Variants in SH3GL1 observed in about 807,000 individuals in gnomAD.
SH3GL1 encodes endophilin-A2.
SH3GL1 carries 21 observed loss-of-function variants against 48.8 expected under a neutral mutation model. The ratio of observed to expected loss-of-function variants is 0.43; its 90% CI spans 0.30 to 0.62. The LOEUF (loss-of-function observed/expected upper bound fraction) is 0.62, where lower values mean the gene tolerates loss of function less well. Among genes scored for constraint, SH3GL1 ranks in the 20% least tolerant of loss-of-function variants. SH3GL1 has a pLI of 0.11. For missense variants in SH3GL1, 454 were observed against 503.0 expected (o/e 0.90, Z 0.93); for synonymous variants, 282 against 217.5 (o/e 1.30, Z -2.61).
intron 1 of SH3GL1, among the ~76,000 whole-genome samples, chr19:4,394,068 A>G (rs1466849477): frequency 6.9e-6 from 1 of 145,390 alleles, no homozygotes; most frequent in African/African-American, 2.6e-5. Flanking sequence ...TGTCCCTCCT[A>G]GCTCAGTCTG....
rs555027912 is a variant in SH3GL1, at chr19:4,376,343, C to T, written c.46-9349G>A. Among the ~76,000 whole-genome samples, 15 of 152,304 alleles carry T rather than the reference C, an allele frequency of 9.8e-5. No homozygotes were observed. Among genetic ancestry groups the T allele is most frequent in the African/African-American group, 2.4e-4 (10 of 41,558 alleles). On this transcript the variant is annotated intron_variant, in intron 1 of 9. Coordinates refer to ENST00000269886, the MANE Select transcript of SH3GL1 (RefSeq NM_003025.4). This position sits in a 1 kb window ranked among gnomAD's most constrained non-coding sequence, Gnocchi z 4.3. ...AGACAGGTGAAGGCACATTCCTCAG[C>T]GCCCGCTCACAGCTCTGCCCACCGT...
At position 4,361,576 on chromosome 19, in the gene SH3GL1, G is replaced by A. The variant is rs745790126; in HGVS notation, c.*24C>T. On this transcript the variant is annotated 3_prime_UTR_variant, in exon 10 of 10. Transcript: ENST00000269886. ...GGGGTGCCGGCCAGTGTGGACGGAG[G>A]GGCGGGGCGGGGACACGGGTGAGTC... 1.3e-6 allele frequency: 2 copies of A among 1,546,454 alleles called. No homozygotes were observed. The highest frequency in any genetic ancestry group is 1.8e-6 in the Non-Finnish European group (2 of 1,138,110).
rs938402841 is a variant in SH3GL1 at position 4,365,422 on chromosome 19, C to T, written c.331+60G>A. The T allele has an allele frequency of 1.6e-5, 26 of 1,606,778 alleles. No homozygotes were observed. The South Asian group carries it at 1.6e-4, about 10-fold the overall frequency. The stretch of plus-strand genomic sequence containing the variant: ...ACATGCAGGGCCTGGACCTGCCCTG[C>T]CTGTGTTGAGGTGTGGCCTCCAGGG... On this transcript the variant is annotated intron_variant, in intron 4 of 9. Transcript: ENST00000269886.
intron 1 of SH3GL1, among the ~76,000 whole-genome samples, chr19:4,386,896 G>A (rs540736995): frequency 3.9e-5 from 6 of 152,210 alleles, no homozygotes; most frequent in Non-Finnish European, 7.4e-5. Flanking sequence ...CGTGAATCAC[G>A]TGGTCAGAAC....
intron 1 of SH3GL1, among the ~76,000 whole-genome samples, chr19:4,382,292 C>G (rs1363403382): frequency 3.0e-5 from 4 of 132,784 alleles, no homozygotes; most frequent in Non-Finnish European, 6.3e-5. Flanking sequence ...GAGTCTCGCT[C>G]TGTCACCCAG....
chr19:4,387,446 C>T (rs1463290933), intron 1 of SH3GL1, among the ~76,000 whole-genome samples: 2 of 152,140 alleles, frequency 1.3e-5, no homozygotes, highest in Admixed American at 6.5e-5. Flanking sequence ...TACAGGTGTG[C>T]ACCGCTATGA....
In SH3GL1 at chr19:4,361,714, G is replaced by A. The variant is rs371201004; in HGVS notation, c.993C>T (p.Asp331=). The A allele has an allele frequency of 5.1e-5, 82 of 1,613,076 alleles. No homozygotes were observed. The highest frequency in any genetic ancestry group is 8.3e-5 in the Admixed American group (5 of 59,998). The change falls in exon 10 of 10, where the codon GAC becomes GAT. Residue 331 remains aspartate, a synonymous_variant. Transcript: ENST00000269886. ...NDGELGFHEG[D]VITLTNQIDE... ...CGATCTGGTTGGTCAGCGTGATGAC[G>A]TCGCCCTCATGGAAGCCCAGCTCCC...
At chr19:4,396,240 T>C (rs761712106) in intron 1 of SH3GL1, among the ~76,000 whole-genome samples, 1 of 151,550 alleles carries the variant, frequency 6.6e-6, no homozygotes, top group Non-Finnish European at 1.5e-5. Context: ...CTACTAAAAA[T>C]ACAAAAAAAT....
intron 1 of SH3GL1, among the ~76,000 whole-genome samples, chr19:4,372,036 A>T (rs973856362): frequency 9.9e-5 from 15 of 152,166 alleles, no homozygotes; most frequent in Admixed American, 8.5e-4. Context: ...CTGGTCTCAA[A>T]CTCGGCCTCA....
rs1193065919 is a variant in SH3GL1 at position 4,376,344 on chromosome 19, G to A, written c.46-9350C>T. ...GACAGGTGAAGGCACATTCCTCAGC[G>A]CCCGCTCACAGCTCTGCCCACCGTG... On this transcript the variant is annotated intron_variant, in intron 1 of 9. Coordinates refer to ENST00000269886, the MANE Select transcript of SH3GL1 (RefSeq NM_003025.4). This position sits in a 1 kb window ranked among gnomAD's most constrained non-coding sequence, Gnocchi z 4.3. 6.6e-6 allele frequency among the ~76,000 whole-genome samples: 1 copy of A among 152,160 alleles called. No homozygotes were observed. Among genetic ancestry groups the A allele is most frequent in the South Asian group, 2.1e-4 (1 of 4,832 alleles).
chr19:4,360,413 G>A lies in SH3GL1; in HGVS notation c.*1187C>T, dbSNP rs955430435. 2.4e-5 allele frequency: 6 copies of A among 246,558 alleles called. No homozygotes were observed. Among genetic ancestry groups the A allele is most frequent in the Admixed American group, 5.3e-5 (1 of 18,818 alleles). 15.3% of individuals were successfully genotyped at this position (246,558 alleles called of 1,614,324 possible). A position where few individuals can be genotyped will look rare whatever the true frequency, so the allele number is the denominator to read the frequency against. ...ATACTTCTGTTTACAAAATTCAGGC[G>A]TACATTTCAGTTTGCCCTGGACCGT... On this transcript the variant is annotated 3_prime_UTR_variant, in exon 10 of 10. Transcript: ENST00000269886.
At chr19:4,363,924 C>G in intron 5 of SH3GL1, 46 bp from the exon 6 acceptor site, 1 of 1,610,774 alleles carries the variant, frequency 6.2e-7, no homozygotes. Context: ...GGCCAGAGGG[C>G]CGCCCCACGC....
intron 1 of SH3GL1, among the ~76,000 whole-genome samples, chr19:4,381,915 G>A (rs903545381): frequency 2.0e-5 from 3 of 151,490 alleles, no homozygotes; most frequent in African/African-American, 4.9e-5. Flanking sequence ...GGATGGTCTC[G>A]ATGACCACAA....
rs1432839715 is a variant in SH3GL1 at position 4,361,313 on chromosome 19, G to A, written c.*287C>T. The A allele has an allele frequency of 6.0e-6, 3 of 500,456 alleles. No individual in the cohort carries two copies. The highest frequency in any genetic ancestry group is 1.1e-5 in the Non-Finnish European group (3 of 280,008). The allele number at this position is 500,456 out of a possible 1,614,324, so 31.0% of individuals were successfully genotyped here. A position where few individuals can be genotyped will look rare whatever the true frequency, so the allele number is the denominator to read the frequency against. On this transcript the variant is annotated 3_prime_UTR_variant, in exon 10 of 10. Transcript: ENST00000269886. The stretch of plus-strand genomic sequence containing the variant: ...TAGTGTTGCCCCGCCTCGGCCAGCT[G>A]GGCGAGAAGTTGGGGAGCGGGGGAG...
chr19:4,371,331 G>T (rs537719012), intron 1 of SH3GL1, among the ~76,000 whole-genome samples: 1 of 152,374 alleles, frequency 6.6e-6, no homozygotes, highest in Admixed American at 6.5e-5. Context: ...AGGGGTGTGG[G>T]CAGCTGCCCT....
At position 4,400,430 on chromosome 19, in the gene SH3GL1, C is replaced by T. The variant is rs1368412508; in HGVS notation, c.-62G>A. The T allele has an allele frequency of 1.4e-5, 21 of 1,471,388 alleles. No individual in the cohort carries two copies. The highest frequency in any genetic ancestry group is 1.7e-5 in the Non-Finnish European group (19 of 1,114,336). 91.1% of individuals were successfully genotyped at this position (1,471,388 alleles called of 1,614,324 possible). A position where few individuals can be genotyped will look rare whatever the true frequency, so the allele number is the denominator to read the frequency against. ...GCCAGCGACAGGCTCCCGGGCGCCG[C>T]CGACCCTCTGCGCGCCTCAGCAGTC... On this transcript the variant is annotated 5_prime_UTR_variant, in exon 1 of 10. Transcript: ENST00000269886. This position sits in a 1 kb window ranked among gnomAD's most constrained non-coding sequence, Gnocchi z 4.1.
Position 4,400,284 on chromosome 19 carries a change from C to A in SH3GL1, c.45+40G>T. On this transcript the variant is annotated intron_variant, in intron 1 of 9. Transcript: ENST00000269886. The surrounding 1 kb of genome is among the most constrained non-coding windows in gnomAD (Gnocchi z 4.1). ...GCCTGGCTCCCTCATCCGGGCAGCC[C>A]GGGGCCCGGTACTCGGCTCCCGCCT... 6.3e-7 allele frequency: 1 copy of A among 1,583,176 alleles called. No individual in the cohort carries two copies. Among genetic ancestry groups the A allele is most frequent in the Non-Finnish European group, 8.6e-7 (1 of 1,168,448 alleles).
chr19:4,373,326 G>A (rs536293133), intron 1 of SH3GL1, among the ~76,000 whole-genome samples: 26 of 152,264 alleles, frequency 1.7e-4, no homozygotes, highest in African/African-American at 5.5e-4. Context: ...CCCGACAGCC[G>A]GGGCTCCCCT....
chr19:4,360,479 T>TCTGACGAG lies in SH3GL1; in HGVS notation c.*1113_*1120dup, dbSNP rs1972574060. On this transcript the variant is annotated 3_prime_UTR_variant, in exon 10 of 10. Coordinates refer to ENST00000269886, the MANE Select transcript of SH3GL1 (RefSeq NM_003025.4). Reference sequence around the variant, plus strand: ...CTCATCTCTGCGCCCCTCATGTACTTCTGACGAGGGGGGTGCAGGGCAGGG... The same window carrying TCTGACGAG: ...CTCATCTCTGCGCCCCTCATGTACTTCTGACGAGCTGACGAGGGGGGTGCAGGGCAGGG... 4.3e-6 allele frequency: 1 copy of TCTGACGAG among 233,852 alleles called. No individual in the cohort carries two copies. Among genetic ancestry groups the TCTGACGAG allele is most frequent in the South Asian group, 1.8e-4 (1 of 5,690 alleles). The allele number at this position is 233,852 out of a possible 1,614,324, so 14.5% of individuals were successfully genotyped here. A position where few individuals can be genotyped will look rare whatever the true frequency, so the allele number is the denominator to read the frequency against.
Sources: gnomAD v4.1 joint callset for allele counts (sites outside exome capture counted in the v4.1 genomes callset) on GRCh38, gnomAD v4.1.1 for gene constraint, Gnocchi (gnomAD v3.1) non-coding constraint, MANE v1.5 for transcripts, NCBI Gene and HGNC (gene_info 2026-07-23, HGNC 2026-07-21) for gene names.